The following PTK2 variants were observed in gnomAD, a reference collection of about 807,000 sequenced individuals.
The protein encoded by PTK2 is protein tyrosine kinase 2.
In PTK2, 45 loss-of-function variants were observed where a neutral mutation model predicts 150.1. The observed-to-expected ratio is 0.30, with a 90% confidence interval of 0.24 to 0.38. The LOEUF is 0.38. Ranked by LOEUF, PTK2 falls within the 10% of genes least tolerant of loss-of-function variation. The probability of loss-of-function intolerance (pLI) is 1.00; values close to 1 mark genes in which losing one functional copy is unlikely to be tolerated. For missense variants in PTK2, 919 were observed against 1,307.3 expected (o/e 0.70, Z 4.58); for synonymous variants, 432 against 449.2 (o/e 0.96, Z 0.48).
chr8:140,686,584 A>C, intron 27 of PTK2, 48 bp downstream of exon 30: 1 of 1,446,358 alleles, frequency 6.9e-7, no homozygotes, highest in Non-Finnish European at 9.7e-7. Context: ...CTGATGGTCC[A>C]CGCACAGGAG....
chr8:140,805,456 G>A (rs1375729432), intron 10 of PTK2, among the ~76,000 whole-genome samples: 1 of 151,848 alleles, frequency 6.6e-6, no homozygotes, highest in African/African-American at 2.4e-5. Context: ...CTACTCAGGA[G>A]GCTGAGGCAG....
intron 12 of PTK2, among the ~76,000 whole-genome samples, chr8:140,799,645 A>C (rs1232161619): frequency 6.6e-6 from 1 of 152,146 alleles, no homozygotes; most frequent in African/African-American, 2.4e-5. Context: ...ATACAACTAA[A>C]ATCTAGGAGC....
chr8:140,864,924 T>C (rs1313087014), intron 4 of PTK2, among the ~76,000 whole-genome samples: 4 of 152,240 alleles, frequency 2.6e-5, no homozygotes, highest in Non-Finnish European at 5.9e-5. Flanking sequence ...CACATTTCGG[T>C]TGCATATATA....
intron 12 of PTK2, among the ~76,000 whole-genome samples, chr8:140,798,530 T>G (rs1360218974): frequency 6.6e-6 from 1 of 152,206 alleles, no homozygotes; most frequent in Admixed American, 6.5e-5. Context: ...GCATTTCATG[T>G]TTGATATCCA....
chr8:140,869,300 G>T (rs1158881613), intron 4 of PTK2, among the ~76,000 whole-genome samples: 2 of 152,114 alleles, frequency 1.3e-5, no homozygotes, highest in South Asian at 2.1e-4. Flanking sequence ...AGCCAAACAG[G>T]AACTAACTCT....
intron 1 of PTK2, among the ~76,000 whole-genome samples, chr8:140,957,401 CT>C (rs1340641679): frequency 6.6e-6 from 1 of 152,028 alleles, no homozygotes; most frequent in Non-Finnish European, 1.5e-5. Flanking sequence ...CTGTTGTAAG[CT>C]AAGTGTTATT....
At chr8:140,948,101 C>G (rs746332812) in intron 1 of PTK2, among the ~76,000 whole-genome samples, 2 of 152,096 alleles carry the variant, frequency 1.3e-5, no homozygotes, top group African/African-American at 2.4e-5. Flanking sequence ...TCCTGCTTCC[C>G]TATACACTTA....
exon 32 of PTK2, chr8:140,657,975 A>C (rs1307896188): frequency 6.6e-6 from 1 of 152,180 alleles, no homozygotes; most frequent in Non-Finnish European, 1.5e-5. Context: ...CTGAGTCCCT[A>C]GTGCTGGAGA....
At chr8:140,734,320 A>C (rs2100051276) in intron 22 of PTK2, among the ~76,000 whole-genome samples, 1 of 152,232 alleles carries the variant, frequency 6.6e-6, no homozygotes, top group Non-Finnish European at 1.5e-5. Context: ...TCTCATGCCT[A>C]TGTGTTATAT....
chr8:140,990,844 C>T lies in PTK2; in HGVS notation c.-122+10281G>A, dbSNP rs12334677. Among the ~76,000 whole-genome samples the T allele has an allele frequency of 1.0e-2, 1,517 of 152,228 alleles. 23 individuals carry two copies. The highest frequency in any genetic ancestry group is 0.035 in the African/African-American group (1,447 of 41,548). ...ATTTGATCTTTCCTGAAACTCTTTA[C>T]GGGGCTTTCACATATCTATATTCCT... is the stretch of plus-strand genomic sequence containing the variant. On this transcript the variant is annotated intron_variant, in intron 1 of 31. Transcript: ENST00000522684.
chr8:140,890,305 T>A (rs1026280283), intron 3 of PTK2: 1 of 410,370 alleles, frequency 2.4e-6, no homozygotes, highest in African/African-American at 2.1e-5. Flanking sequence ...AATAAGTCAA[T>A]GGTATTTTAT....
chr8:140,731,977 A>T (rs1358954541), intron 22 of PTK2, among the ~76,000 whole-genome samples: 1 of 152,216 alleles, frequency 6.6e-6, no homozygotes, highest in East Asian at 1.9e-4. Context: ...TCTACTTGCA[A>T]ATATTCTTTC....
chr8:141,001,458 T>C (rs970448469), upstream of PTK2: 2 of 151,790 alleles, frequency 1.3e-5, no homozygotes, highest in African/African-American at 4.8e-5. Flanking sequence ...TCGCGTAATT[T>C]GTCCTGTAGT....
Position 140,952,623 on chromosome 8 carries a change from A to G in PTK2, c.-121-26874T>C, listed in dbSNP as rs1186554613. ...AACACTTGCGAAAGTCAAATTCAAT[A>G]CAGCTATAAATTATCATGAATTCTG... On this transcript the variant is annotated intron_variant, in intron 1 of 31. Transcript: ENST00000522684. Among the ~76,000 whole-genome samples the G allele has an allele frequency of 3.9e-5, 6 of 152,228 alleles. No homozygotes were observed. The East Asian group carries it at 9.6e-4, about 24-fold the overall frequency.
intron 27 of PTK2, 196 bp from the exon 31 acceptor site, chr8:140,675,695 T>C (rs2100013211): frequency 1.8e-6 from 1 of 551,896 alleles, no homozygotes; most frequent in Non-Finnish European, 3.2e-6. Context: ...GCCAATAGCA[T>C]GTGTGGAAAG....
intron 16 of PTK2, among the ~76,000 whole-genome samples, chr8:140,759,984 GA>G (rs1217890054): frequency 6.6e-6 from 1 of 152,126 alleles, no homozygotes; most frequent in Non-Finnish European, 1.5e-5. Flanking sequence ...AGCACTTTGG[GA>G]GGCCGAGGCA....
chr8:140,674,634 G>A (rs369539473), intron 28 of PTK2, among the ~76,000 whole-genome samples: 4 of 152,128 alleles, frequency 2.6e-5, no homozygotes, highest in East Asian at 1.9e-4. Context: ...AGCTACTCAG[G>A]AGGCTGAGGC....
At chr8:140,996,618 G>T (rs892772015) in intron 1 of PTK2, among the ~76,000 whole-genome samples, 2 of 152,180 alleles carry the variant, frequency 1.3e-5, no homozygotes, top group Non-Finnish European at 2.9e-5. Flanking sequence ...CCTTAAGAAC[G>T]ATGCTAATTC....
chr8:140,840,746 C>A (rs559554857), intron 7 of PTK2, among the ~76,000 whole-genome samples: 2 of 152,080 alleles, frequency 1.3e-5, no homozygotes, highest in African/African-American at 4.8e-5. Context: ...ATAATAAAAG[C>A]GAGTCCAATA....
Sources: allele counts gnomAD v4.1 joint callset (sites outside exome capture counted in the v4.1 genomes callset), GRCh38; gene constraint gnomAD v4.1.1; transcripts MANE v1.5; gene names NCBI Gene and HGNC (gene_info 2026-07-23, HGNC 2026-07-21).